The following OTUD5 variants were observed in gnomAD, a reference collection of about 807,000 sequenced individuals.
OTUD5 encodes OTU domain-containing protein 5.
Under a neutral mutation model 36.3 loss-of-function variants are expected in OTUD5, and 2 were observed. The observed-to-expected ratio is 0.06, with a 90% CI of 0.02 to 0.17. The LOEUF (loss-of-function observed/expected upper bound fraction) is 0.17, where lower values mean the gene tolerates loss of function less well. Ranked by LOEUF, OTUD5 falls within the 10% of genes least tolerant of loss-of-function variation. The probability of loss-of-function intolerance (pLI) is 1.00; values close to 1 mark genes in which losing one functional copy is unlikely to be tolerated. For missense variants in OTUD5, 233 were observed against 512.3 expected (o/e 0.45, Z 5.26); for synonymous variants, 234 against 214.9 (o/e 1.09, Z -0.78).
intron 5 of OTUD5, among the ~76,000 whole-genome samples, chrX:48,928,825 T>TC (rs1230500579): frequency 1.4e-4 from 2 of 14,012 alleles, no homozygotes; most frequent in Non-Finnish European, 1.7e-4. Flanking sequence ...ATACACTGTC[T>TC]CAAAAAAAAA....
Position 48,923,073 on chromosome X carries a change from G to C in OTUD5, c.*101C>G. 1 of 1,190,462 alleles carries C rather than the reference G, an allele frequency of 8.4e-7. No homozygotes were observed. Among genetic ancestry groups the C allele is most frequent in the East Asian group, 3.0e-5 (1 of 33,549 alleles). ...GAGGGAAAAGAGGGGAGAGCAGAAAGAACAGAAGGAGGCAAGAGGGAAGAA... is the reference window on the plus strand; with the variant it reads ...GAGGGAAAAGAGGGGAGAGCAGAAACAACAGAAGGAGGCAAGAGGGAAGAA... On this transcript the variant is annotated 3_prime_UTR_variant, in exon 9 of 9. Transcript: ENST00000376488.
chrX:48,945,011 G>A (rs1368900313), intron 1 of OTUD5, among the ~76,000 whole-genome samples: 1 of 102,134 alleles, frequency 9.8e-6, no homozygotes, highest in African/African-American at 3.7e-5. Flanking sequence ...CAACAAGAGC[G>A]AAACTCTGTC....
chrX:48,926,113 C>T (rs1251172412), intron 5 of OTUD5, 63 bp from the exon 6 acceptor site: 37 of 965,026 alleles, frequency 3.8e-5, no homozygotes, highest in Non-Finnish European at 5.4e-5. Context: ...AGAGCCAGAA[C>T]AGGCTCAGCG....
chrX:48,927,904 T>C (rs1259656348), intron 5 of OTUD5, among the ~76,000 whole-genome samples: 1 of 112,157 alleles, frequency 8.9e-6, no homozygotes, highest in Non-Finnish European at 1.9e-5. Context: ...AGTCACCTCA[T>C]TAGCATACAA....
chrX:48,939,221 A>C (rs2063878363), intron 2 of OTUD5, among the ~76,000 whole-genome samples: 1 of 110,558 alleles, frequency 9.0e-6, no homozygotes, highest in African/African-American at 3.3e-5. Flanking sequence ...CCTTCACCCC[A>C]ATCCAGCCAC....
rs1188711919 is a variant in OTUD5, at chrX:48,942,244, TACACAC to T, written c.688+1940_688+1945del. ...ACAGCTAGCTAGATACACACACACATACACACACACACACACACACACACACACACA... is the reference window on the plus strand; with the variant it reads ...ACAGCTAGCTAGATACACACACACATACACACACACACACACACACACACA... On this transcript the variant is annotated intron_variant, in intron 2 of 8. Transcript: ENST00000376488. 4.6e-3 allele frequency among the ~76,000 whole-genome samples: 260 copies of T among 57,086 alleles called. 4 individuals carry two copies. The highest frequency in any genetic ancestry group is 0.018 in the African/African-American group (235 of 13,272). The allele number at this position is 57,086 out of a possible 115,157, so 49.6% of individuals were successfully genotyped here. A position where few individuals can be genotyped will look rare whatever the true frequency, so the allele number is the denominator to read the frequency against.
At chrX:48,953,553 A>G (rs1017686078) in intron 1 of OTUD5, among the ~76,000 whole-genome samples, 4 of 111,411 alleles carry the variant, frequency 3.6e-5, no homozygotes, top group African/African-American at 1.3e-4. Flanking sequence ...TTCATCCAGC[A>G]AAGCCTTGAA....
intron 5 of OTUD5, among the ~76,000 whole-genome samples, chrX:48,927,399 C>T (rs1364747767): frequency 1.8e-5 from 2 of 111,669 alleles, no homozygotes; most frequent in Non-Finnish European, 3.8e-5. Context: ...AAGACTCCCC[C>T]CAACCCCCTT....
chrX:48,957,690 G>A, upstream of OTUD5: 2 of 798,420 alleles, frequency 2.5e-6, no homozygotes, highest in Non-Finnish European at 3.0e-6. Flanking sequence ...CGGATAAAGG[G>A]ATCGCGGCAC....
chrX:48,930,605 C>G (rs1557048619), intron 5 of OTUD5, among the ~76,000 whole-genome samples: 1 of 112,044 alleles, frequency 8.9e-6, no homozygotes, highest in Non-Finnish European at 1.9e-5. Flanking sequence ...AGAGCACATT[C>G]AACACCTAGG....
At chrX:48,947,254 C>T (rs1293478005) in intron 1 of OTUD5, among the ~76,000 whole-genome samples, 1 of 111,106 alleles carries the variant, frequency 9.0e-6, no homozygotes, top group Non-Finnish European at 1.9e-5. Flanking sequence ...CATGGTGGTG[C>T]ATGCCTGTAA....
intron 5 of OTUD5, among the ~76,000 whole-genome samples, chrX:48,933,386 G>A (rs1417588435): frequency 9.3e-6 from 1 of 107,677 alleles, no homozygotes; most frequent in Non-Finnish European, 1.9e-5. Context: ...TCATAGCGAG[G>A]CATATGGGAA....
In OTUD5 at chrX:48,957,373, C is replaced by T; in HGVS notation, c.198G>A (p.Pro66=). Residue 66 remains proline (P), a synonymous_variant, in exon 1 of 9, where the codon CCG becomes CCA. Transcript: ENST00000376488. ...VVGARPRASP[P]PQGPLPGPPG... ...GCGGTCCTGGTAGCGGGCCTTGAGGCGGTGGCGAAGCTCGCGGACGGGCCC... is the reference window on the plus strand; with the variant it reads ...GCGGTCCTGGTAGCGGGCCTTGAGGTGGTGGCGAAGCTCGCGGACGGGCCC... The T allele has an allele frequency of 8.9e-7, 1 of 1,119,703 alleles. No individual in the cohort carries two copies. The highest frequency in any genetic ancestry group is 1.2e-6 in the Non-Finnish European group (1 of 857,837). 92.3% of individuals were successfully genotyped at this position (1,119,703 alleles called of 1,213,427 possible).
intron 6 of OTUD5, 98 bp from the exon 7 acceptor site, chrX:48,924,150 A>G: frequency 1.3e-6 from 1 of 792,460 alleles, no homozygotes; most frequent in Non-Finnish European, 1.8e-6. Context: ...GACCTTGGCT[A>G]TGATACAGCT....
At chrX:48,956,912 A>G (rs1557055482) in intron 1 of OTUD5, 65 bp downstream of exon 1, 1 of 1,038,418 alleles carries the variant, frequency 9.6e-7, no homozygotes, top group East Asian at 3.9e-5. Flanking sequence ...GCCTTCCTTG[A>G]GTCCCTTCAC....
At chrX:48,946,130 C>G (rs1557052359) in intron 1 of OTUD5, among the ~76,000 whole-genome samples, 1 of 111,831 alleles carries the variant, frequency 8.9e-6, no homozygotes, top group Non-Finnish European at 1.9e-5. Flanking sequence ...AGGGGTGGAA[C>G]CCATCCCCTA....
At chrX:48,949,715 T>C (rs1347565585) in intron 1 of OTUD5, among the ~76,000 whole-genome samples, 1 of 110,376 alleles carries the variant, frequency 9.1e-6, no homozygotes, top group African/African-American at 3.3e-5. Flanking sequence ...TAACCGGGCA[T>C]GGTGGCTCGC....
At chrX:48,957,722 C>CGGA (rs781836892), upstream of OTUD5, 17 of 688,733 alleles carry the variant, frequency 2.5e-5, no homozygotes, top group African/African-American at 4.0e-4. Context: ...CCCTCGGCGG[C>CGGA]GGAGGAGGCG....
chrX:48,957,357 G>T lies in OTUD5; in HGVS notation c.214C>A (p.Pro72Thr). Reference sequence around the variant, plus strand: ...CGATGAAGAGCGCCCGGCGGTCCTGGTAGCGGGCCTTGAGGCGGTGGCGAA... The same window carrying T: ...CGATGAAGAGCGCCCGGCGGTCCTGTTAGCGGGCCTTGAGGCGGTGGCGAA... ...RASPPPQGPL[P>T]GPPGALHRWA... The change falls in exon 1 of 9, where the codon CCA becomes ACA. Residue 72 changes from proline (P) to threonine (T), a missense_variant. Transcript: ENST00000376488. 1 of 1,128,637 alleles carries T rather than the reference G, an allele frequency of 8.9e-7. No individual in the cohort carries two copies. Among genetic ancestry groups the T allele is most frequent in the Non-Finnish European group, 1.2e-6 (1 of 862,886 alleles). The allele number at this position is 1,128,637 out of a possible 1,213,427, so 93.0% of individuals were successfully genotyped here.
Sources: allele counts gnomAD v4.1 joint callset (sites outside exome capture counted in the v4.1 genomes callset), GRCh38; gene constraint gnomAD v4.1.1; transcripts MANE v1.5; gene names NCBI Gene and HGNC (gene_info 2026-07-23, HGNC 2026-07-21).